HGD: variants seen among roughly 807,000 people sequenced by gnomAD.
HGD encodes homogentisate oxidase.
HGD carries 61 observed loss-of-function variants against 60.8 expected under a neutral mutation model. The observed-to-expected ratio is 1.00, with a 90% CI of 0.82 to 1.24. The LOEUF (loss-of-function observed/expected upper bound fraction) is 1.24, where lower values mean the gene tolerates loss of function less well. Among genes scored for constraint, HGD ranks in the 50% most tolerant of loss-of-function variants. HGD has a pLI of 0.00. For synonymous variants in HGD, 212 were observed against 187.7 expected (o/e 1.13, Z -1.06); for missense variants, 542 against 547.1 (o/e 0.99, Z 0.09).
intron 10 of HGD, among the ~76,000 whole-genome samples, chr3:120,643,732 G>A (rs979714790): frequency 3.9e-5 from 6 of 152,038 alleles, no homozygotes; most frequent in African/African-American, 1.2e-4. Context: ...TATATATTCA[G>A]TACATTTAGT....
chr3:120,670,311 T>G lies in HGD; in HGVS notation c.282+116A>C, dbSNP rs575944044. 3 of 725,680 alleles carry G rather than the reference T, an allele frequency of 4.1e-6. No homozygotes were observed. The South Asian group carries it at 4.4e-5, about 11-fold the overall frequency. 45.0% of individuals were successfully genotyped at this position (725,680 alleles called of 1,614,324 possible). Reference sequence around the variant, plus strand: ...AAAACAGACACACTTTAGCATTTATTAAAATAATACTTTAAAAAACTATCT... The same window carrying G: ...AAAACAGACACACTTTAGCATTTATGAAAATAATACTTTAAAAAACTATCT... On this transcript the variant is annotated intron_variant, in intron 4 of 13. Coordinates refer to ENST00000283871, the MANE Select transcript of HGD (RefSeq NM_000187.4).
At chr3:120,657,500 T>A (rs1367940053) in intron 4 of HGD, among the ~76,000 whole-genome samples, 1 of 152,120 alleles carries the variant, frequency 6.6e-6, no homozygotes, top group East Asian at 1.9e-4. Flanking sequence ...ATGACTTGAG[T>A]ACTCTCAACA....
intron 4 of HGD, among the ~76,000 whole-genome samples, chr3:120,668,574 C>T (rs997818384): frequency 6.6e-6 from 1 of 151,130 alleles, no homozygotes; most frequent in Non-Finnish European, 1.5e-5. Context: ...GCAGAAGAAG[C>T]CTTCAGAGTA....
intron 13 of HGD, among the ~76,000 whole-genome samples, chr3:120,630,663 A>G (rs1940556300): frequency 6.6e-6 from 1 of 151,968 alleles, no homozygotes; most frequent in Non-Finnish European, 1.5e-5. Flanking sequence ...GCCCAAAACT[A>G]TAAAAACTCT....
chr3:120,649,139 C>CTTTTTTT (rs10572267), intron 6 of HGD, among the ~76,000 whole-genome samples: 104 of 94,328 alleles, frequency 1.1e-3, no homozygotes, highest in African/African-American at 1.5e-3. Flanking sequence ...TCTTCTTTTT[C>CTTTTTTT]TTTTTTTTTT....
At position 120,642,410 on chromosome 3, in the gene HGD, T is replaced by C. The variant is rs371632022; in HGVS notation, c.775-717A>G. On this transcript the variant is annotated intron_variant, in intron 10 of 13. Coordinates refer to ENST00000283871, the MANE Select transcript of HGD (RefSeq NM_000187.4). ...AATAGCGGGAAGACACTGCTATTCCTGGGCATGTGGAATGAGGAGGGAAAT... is the reference window on the plus strand; with the variant it reads ...AATAGCGGGAAGACACTGCTATTCCCGGGCATGTGGAATGAGGAGGGAAAT... 3.3e-5 allele frequency among the ~76,000 whole-genome samples: 5 copies of C among 152,216 alleles called. No individual in the cohort carries two copies. The East Asian group carries it at 5.8e-4, about 18-fold the overall frequency.
rs553794579 is a variant in HGD at position 120,670,205 on chromosome 3, G to A, written c.282+222C>T. ...AGAACTGTGAGTCAATTAAAAATAT[G>A]TCCTTTATAAATTACCCAGTCTTGG... On this transcript the variant is annotated intron_variant, in intron 4 of 13. Transcript: ENST00000283871. 2.4e-5 allele frequency: 14 copies of A among 575,508 alleles called. No homozygotes were observed. In the South Asian group the frequency reaches 2.7e-4, roughly 11 times the overall value. 35.7% of individuals were successfully genotyped at this position (575,508 alleles called of 1,614,324 possible). A position where few individuals can be genotyped will look rare whatever the true frequency, so the allele number is the denominator to read the frequency against.
chr3:120,639,023 C>T (rs1236130819), intron 11 of HGD, among the ~76,000 whole-genome samples: 1 of 152,166 alleles, frequency 6.6e-6, no homozygotes, highest in East Asian at 1.9e-4. Context: ...TTTTGCTCCT[C>T]CTTCGCCTTC....
chr3:120,642,462 A>G (rs191674586), intron 10 of HGD, among the ~76,000 whole-genome samples: 46 of 152,360 alleles, frequency 3.0e-4, no homozygotes, highest in African/African-American at 1.1e-3. Context: ...AGCAAGAGCT[A>G]GAATTATAAA....
chr3:120,628,967 G>C (rs1049907638), intron 13 of HGD, among the ~76,000 whole-genome samples: 2 of 152,164 alleles, frequency 1.3e-5, no homozygotes, highest in African/African-American at 4.8e-5. Context: ...TGAGAGCTGG[G>C]AAACGACTTG....
chr3:120,680,475 G>T lies in HGD; in HGVS notation c.15+1622C>A, dbSNP rs560238622. Among the ~76,000 whole-genome samples, 3 of 152,318 alleles carry T rather than the reference G, an allele frequency of 2.0e-5. No homozygotes were observed. The East Asian group carries it at 5.8e-4, about 29-fold the overall frequency. Reference sequence around the variant, plus strand: ...CAATTTACATTGATGTCCTGGTGCTGTGCATAATAAGTTGCTTAAACATGA... The same window carrying T: ...CAATTTACATTGATGTCCTGGTGCTTTGCATAATAAGTTGCTTAAACATGA... On this transcript the variant is annotated intron_variant, in intron 1 of 13. Transcript: ENST00000283871.
At chr3:120,677,238 G>C (rs557949818) in intron 1 of HGD, among the ~76,000 whole-genome samples, 54 of 152,304 alleles carry the variant, frequency 3.5e-4, no homozygotes, top group African/African-American at 1.2e-3. Flanking sequence ...ATTGTTCAGG[G>C]AATAAGAGAG....
intron 3 of HGD, chr3:120,674,580 C>G (rs925907950): frequency 9.7e-6 from 3 of 308,392 alleles, no homozygotes; most frequent in Admixed American, 4.1e-5. Flanking sequence ...AAACCCCAAG[C>G]CAAAACTCAA....
At chr3:120,646,529 A>G (rs2107510911) in intron 8 of HGD, among the ~76,000 whole-genome samples, 163 bp from the exon 9 acceptor site, 1 of 152,260 alleles carries the variant, frequency 6.6e-6, no homozygotes. Context: ...AATTTTTTTA[A>G]AAAGAAATTT....
intron 6 of HGD, among the ~76,000 whole-genome samples, chr3:120,649,345 A>T (rs1227180869): frequency 6.6e-6 from 1 of 151,212 alleles, no homozygotes; most frequent in African/African-American, 2.4e-5. Flanking sequence ...GGGTTTCACT[A>T]TGTTGGCTAG....
At chr3:120,633,649 G>A (rs1940663671) in intron 12 of HGD, 1 of 1,255,832 alleles carries the variant, frequency 8.0e-7, no homozygotes, top group African/African-American at 1.5e-5. Flanking sequence ...TCATAATAGA[G>A]AGCGAATGTA....
intron 1 of HGD, among the ~76,000 whole-genome samples, chr3:120,680,753 C>T (rs898386735): frequency 6.6e-6 from 1 of 152,176 alleles, no homozygotes; most frequent in South Asian, 2.1e-4. Context: ...TCCATCAACT[C>T]AAATTTGGCT....
chr3:120,681,722 G>C (rs1708233434), intron 1 of HGD, among the ~76,000 whole-genome samples: 1 of 152,170 alleles, frequency 6.6e-6, no homozygotes, highest in Non-Finnish European at 1.5e-5. Flanking sequence ...ATATCTAACT[G>C]GTCACCGGAA....
intron 1 of HGD, among the ~76,000 whole-genome samples, chr3:120,676,627 G>T (rs1358572757): frequency 6.6e-6 from 1 of 152,176 alleles, no homozygotes; most frequent in East Asian, 1.9e-4. Context: ...GTGGAAATTT[G>T]TCGATTGATT....
Sources: allele counts gnomAD v4.1 joint callset (sites outside exome capture counted in the v4.1 genomes callset), GRCh38; gene constraint gnomAD v4.1.1; transcripts MANE v1.5; gene names NCBI Gene and HGNC (gene_info 2026-07-23, HGNC 2026-07-21).